Variants in ARHGAP42 observed in about 807,000 individuals in gnomAD.
ARHGAP42 encodes rho GTPase-activating protein 42.
In ARHGAP42, 63 loss-of-function variants were observed where a neutral mutation model predicts 125.0. The ratio of observed to expected loss-of-function variants is 0.50; its 90% CI spans 0.41 to 0.62. The LOEUF (loss-of-function observed/expected upper bound fraction) is 0.62, where lower values mean the gene tolerates loss of function less well. Among genes scored for constraint, ARHGAP42 ranks in the 20% least tolerant of loss-of-function variants. ARHGAP42 has a pLI of 0.00. For synonymous variants in ARHGAP42, 339 were observed against 351.0 expected, an observed-to-expected ratio of 0.97 and a Z score of 0.38; for missense variants, 766 against 1,024.2, an observed-to-expected ratio of 0.75 and a Z score of 3.44.
intron 4 of ARHGAP42, among the ~76,000 whole-genome samples, chr11:100,890,543 AGTG>A (rs1866192831): frequency 6.6e-6 from 1 of 152,210 alleles, no homozygotes; most frequent in East Asian, 1.9e-4. Flanking sequence ...AAAGATAGTA[AGTG>A]GTGAAATCAG....
chr11:100,702,118 CAA>C (rs1019420186), intron 1 of ARHGAP42, among the ~76,000 whole-genome samples: 1 of 144,058 alleles, frequency 6.9e-6, no homozygotes. Flanking sequence ...GACCCTGTCT[CAA>C]AAAAAAAATA....
At chr11:100,715,699 G>A (rs1324330689) in intron 1 of ARHGAP42, among the ~76,000 whole-genome samples, 1 of 152,184 alleles carries the variant, frequency 6.6e-6, no homozygotes, top group Non-Finnish European at 1.5e-5. Flanking sequence ...CTGGTGCATA[G>A]TATTGGCGAG....
rs114001632 is a variant in ARHGAP42, at chr11:100,882,700, G to A, written c.384+23075G>A. 5.5e-3 allele frequency among the ~76,000 whole-genome samples: 843 copies of A among 151,992 alleles called. 12 individuals carry two copies. The highest frequency in any genetic ancestry group is 0.019 in the African/African-American group (800 of 41,468). On this transcript the variant is annotated intron_variant, in intron 4 of 23. Coordinates refer to ENST00000298815, the MANE Select transcript of ARHGAP42 (RefSeq NM_152432.4). ...CCAATCCTTCTTTGAATGCCTGATC[G>A]AATTCAACTGTGAATCTGTCTGGTC... is the stretch of plus-strand genomic sequence containing the variant.
Position 100,933,227 on chromosome 11 carries a change from G to A in ARHGAP42, c.669G>A (p.Pro223=), listed in dbSNP as rs557261474. The change falls in exon 7 of 24, where the codon CCG becomes CCA. Residue 223 remains proline, a synonymous_variant. Coordinates refer to ENST00000298815, the MANE Select transcript of ARHGAP42 (RefSeq NM_152432.4). Reference sequence around the variant, plus strand: ...ATGAACTTGCCCAGGAATTTGCACCGTATAAGCAACAGCTGCAGTTCAACT... The same window carrying A: ...ATGAACTTGCCCAGGAATTTGCACCATATAAGCAACAGCTGCAGTTCAACT... The part of the protein sequence containing the change: ...EGYELAQEFA[P]YKQQLQFNLQ... 53 of 1,550,468 alleles carry A rather than the reference G, an allele frequency of 3.4e-5. No individual in the cohort carries two copies. The highest frequency in any genetic ancestry group is 7.1e-5 in the South Asian group (6 of 83,974).
chr11:100,877,812 C>T (rs1055632692), intron 4 of ARHGAP42, among the ~76,000 whole-genome samples: 9 of 152,022 alleles, frequency 5.9e-5, no homozygotes, highest in Non-Finnish European at 1.2e-4. Context: ...CGAGACCAAT[C>T]TGGCCAATGC....
intron 2 of ARHGAP42, among the ~76,000 whole-genome samples, chr11:100,788,934 CT>C (rs1459138150): frequency 1.3e-5 from 2 of 152,062 alleles, no homozygotes; most frequent in Non-Finnish European, 2.9e-5. Context: ...GCATAAACTA[CT>C]GATGTGATGG....
chr11:100,921,510 A>T lies in ARHGAP42; in HGVS notation c.503A>T (p.Asp168Val), dbSNP rs530338405. 42 of 1,546,410 alleles carry T rather than the reference A, an allele frequency of 2.7e-5. 1 individual carries two copies. The South Asian group carries it at 4.6e-4, about 17-fold the overall frequency. Reference sequence around the variant, plus strand: ...TCTCTTTAGGCAGATACACAAATTGACCGAGAACATCAGAACTTCTATGAA... The same window carrying T: ...TCTCTTTAGGCAGATACACAAATTGTCCGAGAACATCAGAACTTCTATGAA... ...SHLQEADTQI[D>V]REHQNFYEAS... Residue 168 changes from aspartate (D) to valine (V), a missense_variant, in exon 6 of 24, where the codon GAC (aspartate) becomes GTC (valine). Physicochemically the swap from Asp to Val is radical, Grantham distance 152. Around this residue, in one of 3 missense-constraint regions of ARHGAP42, gnomAD observed 455 missense variants for 636.5 expected, o/e 0.71. Coordinates refer to ENST00000298815, the MANE Select transcript of ARHGAP42 (RefSeq NM_152432.4).
intron 12 of ARHGAP42, among the ~76,000 whole-genome samples, chr11:100,955,005 G>C (rs1857766924): frequency 6.6e-6 from 1 of 152,110 alleles, no homozygotes; most frequent in Non-Finnish European, 1.5e-5. Context: ...AGAATGTACT[G>C]TAAGGTCAAG....
chr11:100,799,179 G>A (rs1336820571), intron 3 of ARHGAP42, among the ~76,000 whole-genome samples: 1 of 152,214 alleles, frequency 6.6e-6, no homozygotes, highest in East Asian at 1.9e-4. Flanking sequence ...TACGATTCAG[G>A]TGATATTACT....
At chr11:100,917,977 C>T (rs950967351) in intron 5 of ARHGAP42, among the ~76,000 whole-genome samples, 2 of 152,166 alleles carry the variant, frequency 1.3e-5, no homozygotes, top group African/African-American at 2.4e-5. Context: ...ACACCTTCAC[C>T]ATTATCAGAT....
At chr11:100,945,186 G>A (rs997172007) in intron 10 of ARHGAP42, among the ~76,000 whole-genome samples, 2 of 152,032 alleles carry the variant, frequency 1.3e-5, no homozygotes, top group South Asian at 2.1e-4. Context: ...GTCCTTTCAA[G>A]TTTTATTATG....
At chr11:100,946,475 T>C (rs915334685) in intron 10 of ARHGAP42, among the ~76,000 whole-genome samples, 1 of 152,088 alleles carries the variant, frequency 6.6e-6, no homozygotes, top group Non-Finnish European at 1.5e-5. Flanking sequence ...AGTTTGGTCA[T>C]TTATAGCTTT....
intron 3 of ARHGAP42, among the ~76,000 whole-genome samples, chr11:100,823,192 C>T (rs1864441782): frequency 2.0e-5 from 3 of 152,110 alleles, no homozygotes; most frequent in Non-Finnish European, 2.9e-5. Flanking sequence ...TTGGTAGGTT[C>T]GCACTGAAAT....
intron 13 of ARHGAP42, among the ~76,000 whole-genome samples, chr11:100,960,677 A>G (rs1857931015): frequency 6.6e-6 from 1 of 152,154 alleles, no homozygotes; most frequent in African/African-American, 2.4e-5. Context: ...AATAATGGTG[A>G]ATAGGCAGCT....
At chr11:100,731,029 G>A (rs1015787789) in intron 1 of ARHGAP42, among the ~76,000 whole-genome samples, 7 of 151,852 alleles carry the variant, frequency 4.6e-5, no homozygotes, top group African/African-American at 7.3e-5. Context: ...GCTATATGAT[G>A]GCAGTCATTC....
At chr11:100,804,341 T>C (rs998885143) in intron 3 of ARHGAP42, among the ~76,000 whole-genome samples, 3 of 151,974 alleles carry the variant, frequency 2.0e-5, no homozygotes, top group African/African-American at 4.8e-5. Flanking sequence ...GAACTAGCTG[T>C]CTGGGTATTA....
intron 6 of ARHGAP42, among the ~76,000 whole-genome samples, chr11:100,930,973 T>G (rs1867564967): frequency 1.3e-5 from 2 of 152,162 alleles, no homozygotes; most frequent in African/African-American, 4.8e-5. Context: ...TTTTTTCATA[T>G]TTTGGGATAT....
At chr11:100,926,464 A>C (rs1202138146) in intron 6 of ARHGAP42, among the ~76,000 whole-genome samples, 1 of 152,198 alleles carries the variant, frequency 6.6e-6, no homozygotes, top group East Asian at 1.9e-4. Flanking sequence ...GACGATTAGA[A>C]AATTATATAG....
At chr11:100,801,470 T>A (rs763820336) in intron 3 of ARHGAP42, among the ~76,000 whole-genome samples, 1 of 152,188 alleles carries the variant, frequency 6.6e-6, no homozygotes, top group Non-Finnish European at 1.5e-5. Context: ...AGATTTACCA[T>A]ATTTAGGAAG....
Sources: allele counts gnomAD v4.1 joint callset (sites outside exome capture counted in the v4.1 genomes callset), GRCh38; gene constraint gnomAD v4.1.1; regional missense constraint gnomAD v4.1.1; transcripts MANE v1.5; gene names NCBI Gene and HGNC (gene_info 2026-07-23, HGNC 2026-07-21).